ABCB5: variants seen among roughly 807,000 people sequenced by gnomAD.
ABCB5 encodes the protein ATP-binding cassette sub-family B member 5.
Under a neutral mutation model 144.2 loss-of-function variants are expected in ABCB5, and 155 were observed. The observed-to-expected ratio is 1.08, with a 90% CI of 0.94 to 1.23. The LOEUF (loss-of-function observed/expected upper bound fraction) is 1.23. Ranked by LOEUF, ABCB5 falls within the 50% of genes most tolerant of loss-of-function variation. The pLI, the probability that ABCB5 is intolerant of heterozygous loss-of-function variation, is 0.00. For missense variants in ABCB5, 1,830 were observed against 1,520.8 expected (o/e 1.20, Z -3.38); for synonymous variants, 610 against 528.6 (o/e 1.15, Z -2.11).
intron 20 of ABCB5, 71 bp from the exon 21 acceptor site, chr7:20,722,945 G>A: frequency 7.3e-7 from 1 of 1,374,124 alleles, no homozygotes; most frequent in Non-Finnish European, 1.0e-6. Context: ...GTTTTGCAAG[G>A]AACTATAATA....
intron 9 of ABCB5, chr7:20,647,208 A>G: frequency 1.1e-6 from 1 of 911,644 alleles, no homozygotes; most frequent in Non-Finnish European, 1.3e-6. Flanking sequence ...GGGTTTATAC[A>G]TGGTCAGCAC....
Position 20,707,801 on chromosome 7 carries a change from C to CTTTTTTTT in ABCB5, c.2421+3009_2421+3016dup, listed in dbSNP as rs67014566. On this transcript the variant is annotated intron_variant, in intron 20 of 27. Transcript: ENST00000404938. ...TACCTGGACAATGGTAACCTCATTT[C>CTTTTTTTT]TTTTTTTTTTTTTTTTTTTTTTGAG... Among the ~76,000 whole-genome samples the CTTTTTTTT allele has an allele frequency of 9.9e-3, 922 of 92,980 alleles. 18 individuals are homozygous for CTTTTTTTT. The highest frequency in any genetic ancestry group is 0.012 in the Non-Finnish European group (610 of 49,568). The allele number at this position is 92,980 out of a possible 152,430, so 61.0% of individuals were successfully genotyped here.
At chr7:20,694,984 G>C (rs1342672148) in intron 16 of ABCB5, among the ~76,000 whole-genome samples, 1 of 151,938 alleles carries the variant, frequency 6.6e-6, no homozygotes, top group Non-Finnish European at 1.5e-5. Flanking sequence ...TTCAATGTGA[G>C]TGAATAAGAA....
Position 20,728,451 on chromosome 7 carries a change from T to C in ABCB5, c.2863T>C (p.Phe955Leu). The change falls in exon 23 of 28, where the codon TTC (phenylalanine) becomes CTC (leucine). Residue 955 changes from phenylalanine (F) to leucine (L), a missense_variant. Phe to Leu is a conservative substitution (Grantham distance 22). Coordinates refer to ENST00000404938, the MANE Select transcript of ABCB5 (RefSeq NM_001163941.2). ...QAGRMTPEGM[F>L]IVFTAIAYGA... ...TGGACGAATGACCCCAGAGGGCATG[T>C]TCATGTAAGTCGTGGAAATAGTCCG... is the stretch of plus-strand genomic sequence containing the variant. 6.2e-7 allele frequency: 1 copy of C among 1,614,006 alleles called. No homozygotes were observed. The highest frequency in any genetic ancestry group is 8.5e-7 in the Non-Finnish European group (1 of 1,179,952).
chr7:20,732,495 A>G (rs1335105928), intron 23 of ABCB5, among the ~76,000 whole-genome samples: 1 of 152,252 alleles, frequency 6.6e-6, no homozygotes, highest in East Asian at 1.9e-4. Context: ...TGGGTGGCAC[A>G]TAACAGACAC....
chr7:20,744,011 C>T (rs528645554), intron 25 of ABCB5, among the ~76,000 whole-genome samples: 1 of 152,128 alleles, frequency 6.6e-6, no homozygotes, highest in African/African-American at 2.4e-5. Flanking sequence ...TCACTCCCCA[C>T]GTCATCATGC....
intron 12 of ABCB5, 28 bp from the exon 13 acceptor site, chr7:20,651,392 C>A: frequency 6.2e-7 from 1 of 1,612,560 alleles, no homozygotes; most frequent in Non-Finnish European, 8.5e-7. Context: ...AAAGGCATCA[C>A]AACATGGTTC....
intron 20 of ABCB5, among the ~76,000 whole-genome samples, chr7:20,717,276 G>T (rs144851524): frequency 6.6e-6 from 1 of 152,056 alleles, no homozygotes; most frequent in Non-Finnish European, 1.5e-5. Context: ...TGCAACAACA[G>T]ACATTCATTT....
intron 20 of ABCB5, among the ~76,000 whole-genome samples, chr7:20,715,846 A>G (rs1307587323): frequency 2.6e-5 from 4 of 151,774 alleles, no homozygotes; most frequent in Non-Finnish European, 5.9e-5. Flanking sequence ...CAGCCTCTCA[A>G]TTAGCTGGGA....
At chr7:20,673,871 TTAAG>T (rs567698662) in intron 14 of ABCB5, among the ~76,000 whole-genome samples, 22 of 152,136 alleles carry the variant, frequency 1.4e-4, no homozygotes, top group Admixed American at 1.2e-3. Flanking sequence ...TTCATTTGGA[TTAAG>T]TGAGTACTTT....
intron 20 of ABCB5, among the ~76,000 whole-genome samples, chr7:20,722,507 C>A (rs1781901280): frequency 6.6e-6 from 1 of 152,148 alleles, no homozygotes; most frequent in South Asian, 2.1e-4. Context: ...AAACTAAAAT[C>A]CAGTTCATTT....
chr7:20,747,943 G>A (rs545855198), intron 26 of ABCB5, among the ~76,000 whole-genome samples: 1 of 152,170 alleles, frequency 6.6e-6, no homozygotes, highest in Non-Finnish European at 1.5e-5. Context: ...TGGGAAAAAC[G>A]AAGAGAGGAA....
At chr7:20,730,912 G>A (rs1204573230) in intron 23 of ABCB5, among the ~76,000 whole-genome samples, 6 of 152,102 alleles carry the variant, frequency 3.9e-5, no homozygotes, top group Non-Finnish European at 7.4e-5. Flanking sequence ...AACTAGTTTT[G>A]AGTATTAGTA....
chr7:20,746,241 G>A (rs1782718076), intron 26 of ABCB5, among the ~76,000 whole-genome samples: 1 of 152,172 alleles, frequency 6.6e-6, no homozygotes, highest in African/African-American at 2.4e-5. Flanking sequence ...GGGATTACAG[G>A]CATGTGCCAT....
rs542457538 is a variant in ABCB5 at position 20,715,553 on chromosome 7, T to G, written c.2422-7463T>G. ...AGCCTCCCAAGTAGCTGGAACCAGG[T>G]GCACGCCACTGTGCCTGGCTAATTT... On this transcript the variant is annotated intron_variant, in intron 20 of 27. Transcript: ENST00000404938. 3.6e-4 allele frequency among the ~76,000 whole-genome samples: 55 copies of G among 151,718 alleles called. 1 individual carries two copies. Among genetic ancestry groups the G allele is most frequent in the African/African-American group, 1.3e-3 (54 of 41,244 alleles).
At chr7:20,687,753 G>A (rs1247856972) in intron 16 of ABCB5, among the ~76,000 whole-genome samples, 1 of 152,214 alleles carries the variant, frequency 6.6e-6, no homozygotes, top group Non-Finnish European at 1.5e-5. Context: ...TGGGGACAGT[G>A]ACAGGTCTAT....
At chr7:20,725,991 C>T (rs1782023663) in intron 21 of ABCB5, among the ~76,000 whole-genome samples, 1 of 152,194 alleles carries the variant, frequency 6.6e-6, no homozygotes, top group African/African-American at 2.4e-5. Context: ...ACCTGGTCTT[C>T]TCTGTCCCAC....
At chr7:20,703,669 CA>C (rs1236953725) in intron 19 of ABCB5, among the ~76,000 whole-genome samples, 2 of 152,134 alleles carry the variant, frequency 1.3e-5, no homozygotes, top group African/African-American at 4.8e-5. Context: ...ACAGTTTCCA[CA>C]TGGTTTTAAT....
intron 7 of ABCB5, 133 bp downstream of exon 7, chr7:20,643,765 A>T: frequency 2.1e-6 from 2 of 956,328 alleles, no homozygotes; most frequent in Non-Finnish European, 3.1e-6. Context: ...ATACACCACA[A>T]ATACTTTTGA....
Sources: gnomAD v4.1 joint callset for allele counts (sites outside exome capture counted in the v4.1 genomes callset) on GRCh38, gnomAD v4.1.1 for gene constraint, MANE v1.5 for transcripts, NCBI Gene and HGNC (gene_info 2026-07-23, HGNC 2026-07-21) for gene names.